Variants in CHP1 observed in about 807,000 individuals in gnomAD.
CHP1 encodes calcineurin like EF-hand protein 1.
CHP1 carries 11 observed loss-of-function variants against 27.4 expected under a neutral mutation model. That is an observed-to-expected ratio of 0.40 (90% CI 0.25 to 0.67). CHP1 has a LOEUF of 0.67. Ranked by LOEUF, CHP1 falls within the 30% of genes least tolerant of loss-of-function variation. The pLI is 0.38. For synonymous variants in CHP1, 89 were observed against 87.4 expected, an observed-to-expected ratio of 1.02 and a Z score of -0.10; for missense variants, 169 against 251.3, an observed-to-expected ratio of 0.67 and a Z score of 2.22.
chr15:41,247,016 A>G (rs2047338654), intron 2 of CHP1, among the ~76,000 whole-genome samples: 1 of 63,560 alleles, frequency 1.6e-5, no homozygotes, highest in African/African-American at 7.5e-5. Context: ...CTCTGTCTCA[A>G]AAAAAAAAAA....
rs114782031 is a variant in CHP1 at position 41,279,632 on chromosome 15, T to C, written c.*243T>C. The C allele has an allele frequency of 1.5e-3, 649 of 444,144 alleles. 4 individuals carry two copies. The highest frequency in any genetic ancestry group is 0.012 in the African/African-American group (600 of 49,906). The allele number at this position is 444,144 out of a possible 1,614,324, so 27.5% of individuals were successfully genotyped here. A position where few individuals can be genotyped will look rare whatever the true frequency, so the allele number is the denominator to read the frequency against. On this transcript the variant is annotated 3_prime_UTR_variant, in exon 7 of 7. Coordinates refer to ENST00000334660, the MANE Select transcript of CHP1 (RefSeq NM_007236.5). ...CATTCACTAGTTCTTCATTTATAAA[T>C]ATCATCTTCCCCATTCTGCTGCTGA...
intron 1 of CHP1, among the ~76,000 whole-genome samples, chr15:41,235,353 A>C (rs1442622261): frequency 1.3e-5 from 2 of 152,096 alleles, no homozygotes; most frequent in African/African-American, 2.4e-5. Flanking sequence ...CCCCATCTCT[A>C]CAAAAAAATA....
At chr15:41,271,029 G>A (rs2047486247) in intron 5 of CHP1, among the ~76,000 whole-genome samples, 1 of 152,120 alleles carries the variant, frequency 6.6e-6, no homozygotes, top group African/African-American at 2.4e-5. Context: ...GCCGAGGCAG[G>A]TGGATCACGA....
intron 1 of CHP1, among the ~76,000 whole-genome samples, chr15:41,233,316 A>C (rs1186035879): frequency 6.6e-6 from 1 of 152,242 alleles, no homozygotes; most frequent in Non-Finnish European, 1.5e-5. Context: ...AGTGTAAACC[A>C]TAGTGAAGAT....
chr15:41,263,886 A>G (rs565684726), intron 4 of CHP1, among the ~76,000 whole-genome samples: 48 of 152,172 alleles, frequency 3.2e-4, no homozygotes, highest in Non-Finnish European at 1.5e-4. Context: ...AGAAAAGAAA[A>G]CAAAACAAAA....
intron 1 of CHP1, among the ~76,000 whole-genome samples, chr15:41,239,306 C>T (rs2047294080): frequency 7.1e-6 from 1 of 141,198 alleles, no homozygotes; most frequent in African/African-American, 2.8e-5. Context: ...TAACCCAGTT[C>T]GTCCTGGAAG....
chr15:41,256,890 C>A lies in CHP1; in HGVS notation c.141-20C>A. The A allele has an allele frequency of 6.2e-7, 1 of 1,610,686 alleles. No homozygotes were observed. The highest frequency in any genetic ancestry group is 8.5e-7 in the Non-Finnish European group (1 of 1,176,864). ...TAAGGGCAATGATCTCTATCTAACT[C>A]AAGGTGATTCTCTTGGCAGCCGGGA... On this transcript the variant is annotated intron_variant, in intron 2 of 6. Transcript: ENST00000334660.
chr15:41,279,861 C>T lies in CHP1; in HGVS notation c.*472C>T, dbSNP rs1259121542. The T allele has an allele frequency of 1.9e-5, 3 of 155,020 alleles. No individual in the cohort carries two copies. The highest frequency in any genetic ancestry group is 7.2e-5 in the African/African-American group (3 of 41,512). The allele number at this position is 155,020 out of a possible 1,614,324, so 9.6% of individuals were successfully genotyped here. A position where few individuals can be genotyped will look rare whatever the true frequency, so the allele number is the denominator to read the frequency against. The stretch of plus-strand genomic sequence containing the variant: ...CATACTGTTCACTTACTCTGGCAGT[C>T]TTTCTGCTTTTCATTAAGCCTCAAA... On this transcript the variant is annotated 3_prime_UTR_variant, in exon 7 of 7. Transcript: ENST00000334660.
At chr15:41,241,875 C>T (rs2047308668) in intron 1 of CHP1, among the ~76,000 whole-genome samples, 1 of 152,156 alleles carries the variant, frequency 6.6e-6, no homozygotes, top group Non-Finnish European at 1.5e-5. Context: ...TGACTTTGGC[C>T]ACCCCTTTAA....
intron 1 of CHP1, 143 bp downstream of exon 1, chr15:41,231,592 G>A (rs1290409224): frequency 8.2e-6 from 6 of 732,480 alleles, no homozygotes; most frequent in Non-Finnish European, 1.4e-5. Context: ...CCGAGAGCTG[G>A]AAGACCTGTT....
chr15:41,260,711 G>A (rs2047428578), intron 3 of CHP1, among the ~76,000 whole-genome samples: 1 of 151,446 alleles, frequency 6.6e-6, no homozygotes, highest in Non-Finnish European at 1.5e-5. Flanking sequence ...ATTATTTAGA[G>A]AAAAATTATC....
chr15:41,264,292 G>A (rs529925237), intron 4 of CHP1: 28 of 980,968 alleles, frequency 2.9e-5, no homozygotes, highest in African/African-American at 1.7e-4. Context: ...TGCGAGTGCC[G>A]AGGAGATTAG....
At chr15:41,255,826 G>A (rs1242883371) in intron 2 of CHP1, among the ~76,000 whole-genome samples, 1 of 152,086 alleles carries the variant, frequency 6.6e-6, no homozygotes, top group Admixed American at 6.6e-5. Flanking sequence ...GACCAGCCTG[G>A]CCAACATGGT....
In CHP1 at chr15:41,280,807, G is replaced by C. The variant is rs1249630094; in HGVS notation, c.*1418G>C. ...ATTACAGGTGTGAGCCACCACGCCTGGCCCCAGTCCAAAATATTTAAAGAT... is the reference window on the plus strand; with the variant it reads ...ATTACAGGTGTGAGCCACCACGCCTCGCCCCAGTCCAAAATATTTAAAGAT... On this transcript the variant is annotated 3_prime_UTR_variant, in exon 7 of 7. Coordinates refer to ENST00000334660, the MANE Select transcript of CHP1 (RefSeq NM_007236.5). 1 of 148,438 alleles carries C rather than the reference G, an allele frequency of 6.7e-6. No individual in the cohort carries two copies. Among genetic ancestry groups the C allele is most frequent in the South Asian group, 2.2e-4 (1 of 4,646 alleles). 9.2% of individuals were successfully genotyped at this position (148,438 alleles called of 1,614,324 possible). A position where few individuals can be genotyped will look rare whatever the true frequency, so the allele number is the denominator to read the frequency against.
chr15:41,264,123 G>A, intron 4 of CHP1: 1 of 1,130,406 alleles, frequency 8.8e-7, no homozygotes, highest in Non-Finnish European at 1.2e-6. Flanking sequence ...GCAGCTCTCA[G>A]TTGTTAACAG....
chr15:41,267,227 C>A (rs1031215105), intron 4 of CHP1, among the ~76,000 whole-genome samples: 2 of 151,956 alleles, frequency 1.3e-5, no homozygotes, highest in Non-Finnish European at 2.9e-5. Flanking sequence ...GGTACATTTT[C>A]CGCTAGTGAA....
intron 3 of CHP1, among the ~76,000 whole-genome samples, chr15:41,261,498 T>C (rs2047432768): frequency 6.6e-6 from 1 of 152,140 alleles, no homozygotes. Flanking sequence ...TTGGTAGAAC[T>C]CGGATCAGTA....
intron 2 of CHP1, among the ~76,000 whole-genome samples, chr15:41,247,731 G>T (rs2140927924): frequency 6.6e-6 from 1 of 151,884 alleles, no homozygotes; most frequent in East Asian, 1.9e-4. Context: ...CCAGCACTTT[G>T]GGAGGCCGAG....
At position 41,247,109 on chromosome 15, in the gene CHP1, G is replaced by T. The variant is rs28411832; in HGVS notation, c.140+3370G>T. ...GGCCAAGCGCAGTGGCTTACACCTG[G>T]CTGTAATCCAGCACTTTGGGAGGCC... On this transcript the variant is annotated intron_variant, in intron 2 of 6. Coordinates refer to ENST00000334660, the MANE Select transcript of CHP1 (RefSeq NM_007236.5). Among the ~76,000 whole-genome samples the T allele has an allele frequency of 1.8e-3, 273 of 152,136 alleles. 1 individual carries two copies. The highest frequency in any genetic ancestry group is 3.3e-3 in the Non-Finnish European group (225 of 68,008).
Sources: gnomAD v4.1 joint callset for allele counts (sites outside exome capture counted in the v4.1 genomes callset) on GRCh38, gnomAD v4.1.1 for gene constraint, MANE v1.5 for transcripts, NCBI Gene and HGNC (gene_info 2026-07-23, HGNC 2026-07-21) for gene names.